Variants in CTNNA3 observed in about 807,000 individuals in gnomAD.
CTNNA3 encodes catenin alpha 3.
A neutral mutation model predicts 95.7 loss-of-function variants in CTNNA3; 76 were observed. The observed-to-expected ratio is 0.79, with a 90% CI of 0.66 to 0.96. The LOEUF (loss-of-function observed/expected upper bound fraction) is 0.96. Ranked by LOEUF, CTNNA3 falls within the 40% of genes least tolerant of loss-of-function variation. CTNNA3 has a pLI of 0.00. For synonymous variants in CTNNA3, 431 were observed against 374.4 expected, an observed-to-expected ratio of 1.15 and a Z score of -1.74; for missense variants, 1,191 against 1,089.8, an observed-to-expected ratio of 1.09 and a Z score of -1.31.
chr10:66,511,556 C>T (rs1052783404), intron 11 of CTNNA3, among the ~76,000 whole-genome samples: 30 of 150,546 alleles, frequency 2.0e-4, no homozygotes, highest in African/African-American at 7.3e-4. Context: ...TTTGGTATGT[C>T]TTGTTTCTGT....
chr10:66,801,584 A>T (rs2132234849), intron 7 of CTNNA3, among the ~76,000 whole-genome samples: 1 of 151,746 alleles, frequency 6.6e-6, no homozygotes, highest in South Asian at 2.1e-4. Context: ...AAAACTATGA[A>T]ATATTTTTGA....
intron 7 of CTNNA3, among the ~76,000 whole-genome samples, chr10:66,786,019 GT>G (rs1840726249): frequency 6.6e-6 from 1 of 152,138 alleles, no homozygotes. Context: ...GTTGCTGTAA[GT>G]TGGTTGTGTC....
At chr10:66,328,927 T>TAC (rs2092291045) in intron 12 of CTNNA3, among the ~76,000 whole-genome samples, 1 of 128,596 alleles carries the variant, frequency 7.8e-6, no homozygotes, top group Non-Finnish European at 1.7e-5. Flanking sequence ...TATATATATA[T>TAC]ATATATACAC....
At chr10:66,133,548 A>G (rs1266007699) in intron 13 of CTNNA3, among the ~76,000 whole-genome samples, 1 of 151,712 alleles carries the variant, frequency 6.6e-6, no homozygotes, top group African/African-American at 2.4e-5. Flanking sequence ...CAAAAAAAAC[A>G]GAAGAAAGAG....
intron 7 of CTNNA3, among the ~76,000 whole-genome samples, chr10:66,854,494 G>T (rs1332254084): frequency 2.0e-5 from 3 of 151,830 alleles, no homozygotes; most frequent in African/African-American, 7.3e-5. Flanking sequence ...TAACGGTGAG[G>T]TAAAAAATGC....
chr10:67,346,483 G>T (rs1290690020), intron 5 of CTNNA3, among the ~76,000 whole-genome samples: 1 of 152,030 alleles, frequency 6.6e-6, no homozygotes, highest in East Asian at 1.9e-4. Flanking sequence ...ATCTTTGACG[G>T]ATGTTTTCAC....
At chr10:66,623,597 T>C (rs1844827944) in intron 9 of CTNNA3, among the ~76,000 whole-genome samples, 1 of 152,256 alleles carries the variant, frequency 6.6e-6, no homozygotes, top group East Asian at 1.9e-4. Context: ...TTGTGTTTTC[T>C]ACTCAAAGTT....
intron 5 of CTNNA3, among the ~76,000 whole-genome samples, chr10:67,473,111 T>C (rs1847887557): frequency 6.6e-6 from 1 of 152,250 alleles, no homozygotes; most frequent in South Asian, 2.1e-4. Flanking sequence ...ATGTTAGATG[T>C]ATGACAAAAT....
At chr10:65,982,685 G>A (rs1377882393) in intron 16 of CTNNA3, among the ~76,000 whole-genome samples, 1 of 148,870 alleles carries the variant, frequency 6.7e-6, no homozygotes, top group African/African-American at 2.4e-5. Context: ...GTGTGTGTAT[G>A]TATATATATA....
rs118026304 is a variant in CTNNA3 at position 67,264,048 on chromosome 10, A to G, written c.580-44178T>C. ...AAAAAAGGGTAACATTTGAACTAGC[A>G]TTGAAGTTATATTATTTTACAATAT... On this transcript the variant is annotated intron_variant, in intron 5 of 17. Coordinates refer to ENST00000433211, the MANE Select transcript of CTNNA3 (RefSeq NM_013266.4). 6.6e-3 allele frequency among the ~76,000 whole-genome samples: 1,001 copies of G among 152,256 alleles called. 4 individuals are homozygous for G. The highest frequency in any genetic ancestry group is 0.01 in the Non-Finnish European group (688 of 68,010).
chr10:66,425,984 A>G lies in CTNNA3; in HGVS notation c.1532-46632T>C, dbSNP rs187893401. Among the ~76,000 whole-genome samples, 18 of 152,198 alleles carry G rather than the reference A, an allele frequency of 1.2e-4. 1 individual carries two copies. The highest frequency in any genetic ancestry group is 1.2e-3 in the Admixed American group (18 of 15,254). On this transcript the variant is annotated intron_variant, in intron 11 of 17. Transcript: ENST00000433211. ...GTCATTTTGTACTTTATATCACTTA[A>G]TCATCTACAATGTATTTTTTGTATT...
intron 5 of CTNNA3, among the ~76,000 whole-genome samples, chr10:67,441,653 A>G (rs949067316): frequency 6.6e-6 from 1 of 152,292 alleles, no homozygotes; most frequent in South Asian, 2.1e-4. Context: ...AGAGAGTGGT[A>G]TTACATATCT....
At chr10:67,556,672 T>G (rs1841268751) in intron 3 of CTNNA3, among the ~76,000 whole-genome samples, 1 of 152,234 alleles carries the variant, frequency 6.6e-6, no homozygotes, top group Non-Finnish European at 1.5e-5. Context: ...TTCATAGCAG[T>G]CTATCAATTT....
At chr10:65,940,916 A>G (rs1014025616) in intron 17 of CTNNA3, among the ~76,000 whole-genome samples, 1 of 152,216 alleles carries the variant, frequency 6.6e-6, no homozygotes, top group East Asian at 1.9e-4. Context: ...GAATGCCACA[A>G]TAATAATTAG....
At chr10:66,873,884 C>T (rs374532381) in intron 7 of CTNNA3, among the ~76,000 whole-genome samples, 12 of 152,214 alleles carry the variant, frequency 7.9e-5, no homozygotes, top group African/African-American at 2.9e-4. Flanking sequence ...TTATTTATTT[C>T]CTTCTCTTCT....
intron 7 of CTNNA3, among the ~76,000 whole-genome samples, chr10:66,930,499 A>C (rs1847315487): frequency 6.6e-6 from 1 of 152,130 alleles, no homozygotes; most frequent in East Asian, 1.9e-4. Flanking sequence ...TGTACTAAAG[A>C]TGTTTGTATT....
chr10:67,604,339 C>T (rs957526935), intron 3 of CTNNA3, among the ~76,000 whole-genome samples: 2 of 152,074 alleles, frequency 1.3e-5, no homozygotes, highest in Non-Finnish European at 2.9e-5. Context: ...GAAAGAGGTG[C>T]AAGATAATGG....
intron 9 of CTNNA3, among the ~76,000 whole-genome samples, chr10:66,650,390 TG>T (rs1845851839): frequency 6.6e-6 from 1 of 152,146 alleles, no homozygotes; most frequent in South Asian, 2.1e-4. Context: ...CACAAATATA[TG>T]AAACTTAAAC....
chr10:67,532,414 A>C (rs1280143855), intron 4 of CTNNA3, among the ~76,000 whole-genome samples: 1 of 152,212 alleles, frequency 6.6e-6, no homozygotes, highest in Non-Finnish European at 1.5e-5. Context: ...AATATTTGTC[A>C]TAGTCAGAAT....
Sources: gnomAD v4.1 joint callset for allele counts (sites outside exome capture counted in the v4.1 genomes callset) on GRCh38, gnomAD v4.1.1 for gene constraint, MANE v1.5 for transcripts, NCBI Gene and HGNC (gene_info 2026-07-23, HGNC 2026-07-21) for gene names.